TRDN: variants seen among roughly 807,000 people sequenced by gnomAD.
TRDN encodes triadin.
TRDN carries 161 observed loss-of-function variants against 149.7 expected under a neutral mutation model. The ratio of observed to expected loss-of-function variants is 1.08; its 90% CI spans 0.95 to 1.23. TRDN has a LOEUF of 1.23. Among genes scored for constraint, TRDN ranks in the 50% most tolerant of loss-of-function variants. TRDN has a pLI of 0.00. For missense variants in TRDN, 896 were observed against 823.5 expected (o/e 1.09, Z -1.08); for synonymous variants, 294 against 250.5 (o/e 1.17, Z -1.64).
At chr6:123,329,880 A>T (rs1284813899) in intron 23 of TRDN, among the ~76,000 whole-genome samples, 1 of 152,092 alleles carries the variant, frequency 6.6e-6, no homozygotes, top group African/African-American at 2.4e-5. Context: ...TGTACAAATC[A>T]CTGTCTAGTC....
intron 5 of TRDN, chr6:123,528,580 C>G (rs1036434066): frequency 4.2e-6 from 4 of 947,382 alleles, no homozygotes; most frequent in Non-Finnish European, 5.0e-6. Flanking sequence ...GTTCAAAATG[C>G]TTTGATAATA....
At chr6:123,457,572 T>C (rs75943272) in intron 10 of TRDN, 2 of 446,456 alleles carry the variant, frequency 4.5e-6, no homozygotes, top group Non-Finnish European at 8.9e-6. Context: ...CCTTTTTTTT[T>C]CTTTTGATGC....
intron 3 of TRDN, 60 bp from the exon 4 acceptor site, chr6:123,547,432 C>T: frequency 2.1e-6 from 2 of 960,018 alleles, no homozygotes; most frequent in East Asian, 6.3e-5. Flanking sequence ...AATAATATGA[C>T]ATCATTATTT....
In TRDN at chr6:123,448,295, C is replaced by A. The variant is rs183013155; in HGVS notation, c.932-9292G>T. ...GCAGACTCCACAGGCAGGGGAAGAA[C>A]CAAGCCCTTTTCTTTTGCAGCTGGA... On this transcript the variant is annotated intron_variant, in intron 10 of 40. Coordinates refer to ENST00000334268, the MANE Select transcript of TRDN (RefSeq NM_006073.4). Among the ~76,000 whole-genome samples, 608 of 152,286 alleles carry A rather than the reference C, an allele frequency of 4.0e-3. 5 individuals carry two copies. The highest frequency in any genetic ancestry group is 0.014 in the African/African-American group (583 of 41,560).
chr6:123,270,652 T>G (rs1777175852), intron 30 of TRDN, among the ~76,000 whole-genome samples: 1 of 151,978 alleles, frequency 6.6e-6, no homozygotes. Context: ...ATGGAGTGTT[T>G]TTACTTTAAT....
intron 8 of TRDN, among the ~76,000 whole-genome samples, chr6:123,499,714 AAAAAAAT>A (rs1363112408): frequency 2.0e-4 from 22 of 110,070 alleles, no homozygotes; most frequent in African/African-American, 6.9e-4. Context: ...AAAAAAAAAA[AAAAAAAT>A]ATATATATAT....
At chr6:123,323,250 G>GATATTTATATTT (rs563574195) in intron 23 of TRDN, among the ~76,000 whole-genome samples, 62 of 152,204 alleles carry the variant, frequency 4.1e-4, no homozygotes, top group African/African-American at 1.2e-3. Context: ...ATTATCTTCA[G>GATATTTATATTT]ATATTTATAT....
At chr6:123,498,427 A>G (rs1470297201) in intron 8 of TRDN, 1 of 378,714 alleles carries the variant, frequency 2.6e-6, no homozygotes, top group African/African-American at 2.1e-5. Flanking sequence ...AGATATAAAA[A>G]TATAATCTTT....
At chr6:123,340,770 G>T (rs9490736) in intron 21 of TRDN, among the ~76,000 whole-genome samples, 43 of 151,952 alleles carry the variant, frequency 2.8e-4, no homozygotes, top group African/African-American at 1.0e-3. Flanking sequence ...GAACCACCTG[G>T]CAAGCTTTAT....
intron 21 of TRDN, among the ~76,000 whole-genome samples, chr6:123,345,180 C>T (rs989759927): frequency 1.3e-5 from 2 of 151,870 alleles, no homozygotes; most frequent in East Asian, 3.9e-4. Context: ...TTATGTTTTA[C>T]ATTTAGGTCT....
intron 13 of TRDN, 39 bp downstream of exon 13, chr6:123,393,585 A>T (rs556446451): frequency 1.9e-5 from 30 of 1,556,766 alleles, no homozygotes; most frequent in East Asian, 1.1e-4. Flanking sequence ...ATAGATGTTT[A>T]AAAAAAGGCA....
At chr6:123,480,169 T>C (rs912290621) in intron 9 of TRDN, among the ~76,000 whole-genome samples, 2 of 151,720 alleles carry the variant, frequency 1.3e-5, no homozygotes, top group Non-Finnish European at 2.9e-5. Context: ...AAATATTAGA[T>C]TTATGTATAA....
chr6:123,333,902 A>C (rs957675887), intron 22 of TRDN, among the ~76,000 whole-genome samples: 2 of 152,070 alleles, frequency 1.3e-5, no homozygotes, highest in African/African-American at 2.4e-5. Flanking sequence ...AGGGCCTATA[A>C]AGTGTTTAAT....
At chr6:123,525,324 T>C (rs754616878) in intron 5 of TRDN, among the ~76,000 whole-genome samples, 4 of 151,994 alleles carry the variant, frequency 2.6e-5, no homozygotes, top group Admixed American at 2.0e-4. Context: ...CAGTGGCTGA[T>C]TGGGTAAAGA....
chr6:123,499,719 A>AAAAAAAAAAAAAAAAAATATATATAT, intron 8 of TRDN, among the ~76,000 whole-genome samples: 2 of 47,670 alleles, frequency 4.2e-5, no homozygotes, highest in Admixed American at 3.0e-4. Context: ...AAAAAAAAAA[A>AAAAAAAAAAAAAAAAAATATATATAT]ATATATATAT....
rs985695266 is a variant in TRDN at position 123,453,083 on chromosome 6, C to T, written c.931+11823G>A. On this transcript the variant is annotated intron_variant, in intron 10 of 40. Coordinates refer to ENST00000334268, the MANE Select transcript of TRDN (RefSeq NM_006073.4). The stretch of plus-strand genomic sequence containing the variant: ...AATGAAACTGGATCTTCATCTCTCA[C>T]CTTATACAGAAATCAACCCAAGATG... Among the ~76,000 whole-genome samples, 9 of 152,224 alleles carry T rather than the reference C, an allele frequency of 5.9e-5. No homozygotes were observed. The East Asian group carries it at 1.7e-3, about 29-fold the overall frequency.
intron 5 of TRDN, among the ~76,000 whole-genome samples, chr6:123,519,709 T>C (rs1312137476): frequency 6.7e-6 from 1 of 150,176 alleles, no homozygotes; most frequent in African/African-American, 2.5e-5. Context: ...TGCATAGGAC[T>C]AATCTTGAGT....
At chr6:123,613,779 G>C (rs1052813470) in intron 1 of TRDN, among the ~76,000 whole-genome samples, 1 of 151,638 alleles carries the variant, frequency 6.6e-6, no homozygotes, top group Non-Finnish European at 1.5e-5. Context: ...GATTTGGCAG[G>C]ATTGAAACTA....
At chr6:123,287,074 CAGAT>C (rs1317956564) in intron 24 of TRDN, among the ~76,000 whole-genome samples, 1 of 152,092 alleles carries the variant, frequency 6.6e-6, no homozygotes, top group Non-Finnish European at 1.5e-5. Context: ...TGTTAATCAA[CAGAT>C]AAGAAGCACA....
Sources: gnomAD v4.1 joint callset for allele counts (sites outside exome capture counted in the v4.1 genomes callset) on GRCh38, gnomAD v4.1.1 for gene constraint, MANE v1.5 for transcripts, NCBI Gene and HGNC (gene_info 2026-07-23, HGNC 2026-07-21) for gene names.